Variants in KCNH7 observed in about 807,000 individuals in gnomAD.
KCNH7 encodes the protein voltage-gated inwardly rectifying potassium channel KCNH7.
Under a neutral mutation model 120.8 loss-of-function variants are expected in KCNH7, and 49 were observed. That is an observed-to-expected ratio of 0.41 (90% CI 0.32 to 0.51). The LOEUF (loss-of-function observed/expected upper bound fraction) is 0.51, where lower values mean the gene tolerates loss of function less well. Among genes scored for constraint, KCNH7 ranks in the 20% least tolerant of loss-of-function variants. KCNH7 has a pLI of 0.38. For missense variants in KCNH7, 1,097 were observed against 1,446.6 expected (o/e 0.76, Z 3.92); for synonymous variants, 547 against 516.1 (o/e 1.06, Z -0.81).
intron 2 of KCNH7, among the ~76,000 whole-genome samples, chr2:162,835,739 A>C (rs1479628481): frequency 6.6e-6 from 1 of 152,030 alleles, no homozygotes; most frequent in Non-Finnish European, 1.5e-5. Context: ...TTGTGTATTT[A>C]AGGCATGCCT....
At chr2:162,468,512 C>CTTTTTTT (rs1166606647) in intron 6 of KCNH7, among the ~76,000 whole-genome samples, 1 of 78,918 alleles carries the variant, frequency 1.3e-5, no homozygotes, top group Non-Finnish European at 2.3e-5. Flanking sequence ...TATTCTTTTC[C>CTTTTTTT]TTTTTTTTTT....
intron 9 of KCNH7, among the ~76,000 whole-genome samples, chr2:162,401,698 C>T (rs1017922560): frequency 6.6e-6 from 1 of 151,804 alleles, no homozygotes; most frequent in Admixed American, 6.6e-5. Flanking sequence ...CAATAGGATA[C>T]CTGAAGCATA....
At chr2:162,682,494 A>G (rs1574260589) in intron 2 of KCNH7, among the ~76,000 whole-genome samples, 1 of 151,748 alleles carries the variant, frequency 6.6e-6, no homozygotes, top group Middle Eastern at 3.4e-3. Flanking sequence ...ATCTAACACA[A>G]CAAAGTCATA....
chr2:162,442,412 G>C lies in KCNH7; in HGVS notation c.1554+3606C>G, dbSNP rs1054239201. 8.6e-5 allele frequency among the ~76,000 whole-genome samples: 13 copies of C among 152,026 alleles called. 1 individual carries two copies. Among genetic ancestry groups the C allele is most frequent in the African/African-American group, 2.7e-4 (11 of 41,396 alleles). On this transcript the variant is annotated intron_variant, in intron 7 of 15. Coordinates refer to ENST00000332142, the MANE Select transcript of KCNH7 (RefSeq NM_033272.4). ...CCTGTTACATAGATTACATAATATA[G>C]ATACAAAGTTGATTTTTTTTCTAGG... is the stretch of plus-strand genomic sequence containing the variant.
intron 2 of KCNH7, among the ~76,000 whole-genome samples, chr2:162,580,977 A>C: frequency 6.6e-6 from 1 of 152,086 alleles, no homozygotes; most frequent in Non-Finnish European, 1.5e-5. Flanking sequence ...AAAATATATT[A>C]GCTGCACACA....
At chr2:162,491,464 C>T (rs1690305626) in intron 6 of KCNH7, among the ~76,000 whole-genome samples, 2 of 152,150 alleles carry the variant, frequency 1.3e-5, no homozygotes, top group South Asian at 4.1e-4. Flanking sequence ...CACAGCTTTA[C>T]CTTAGCATGA....
In KCNH7 at chr2:162,838,593, C is replaced by A; in HGVS notation, c.-75G>T. The A allele has an allele frequency of 8.4e-7, 1 of 1,188,690 alleles. No homozygotes were observed. The highest frequency in any genetic ancestry group is 1.2e-6 in the Non-Finnish European group (1 of 839,254). 73.6% of individuals were successfully genotyped at this position (1,188,690 alleles called of 1,614,324 possible). The stretch of plus-strand genomic sequence containing the variant: ...CCGGGATCTCTCCTCGGCTAGAGCC[C>A]AGGCCAGCGCGCGAGCCGCTCTTTG... On this transcript the variant is annotated 5_prime_UTR_variant, in exon 1 of 16. Coordinates refer to ENST00000332142, the MANE Select transcript of KCNH7 (RefSeq NM_033272.4).
At chr2:162,594,991 A>G (rs1282129847) in intron 2 of KCNH7, among the ~76,000 whole-genome samples, 1 of 152,094 alleles carries the variant, frequency 6.6e-6, no homozygotes, top group Non-Finnish European at 1.5e-5. Flanking sequence ...GGTTGAACAT[A>G]TGTAAATCAA....
intron 6 of KCNH7, among the ~76,000 whole-genome samples, chr2:162,469,688 C>CCCCTCT (rs989720587): frequency 3.3e-5 from 5 of 151,732 alleles, no homozygotes; most frequent in Non-Finnish European, 5.9e-5. Context: ...CCTCCCCCTC[C>CCCCTCT]CCCTCTCCCT....
chr2:162,811,419 G>C (rs1684729292), intron 2 of KCNH7, among the ~76,000 whole-genome samples: 1 of 152,012 alleles, frequency 6.6e-6, no homozygotes, highest in Admixed American at 6.6e-5. Flanking sequence ...TTTGCCAAAG[G>C]TTTCCATGAG....
At chr2:162,613,667 G>A (rs1683046036) in intron 2 of KCNH7, among the ~76,000 whole-genome samples, 1 of 151,336 alleles carries the variant, frequency 6.6e-6, no homozygotes, top group Non-Finnish European at 1.5e-5. Context: ...AGGTATTGGG[G>A]CAAAACAAAC....
intron 12 of KCNH7, among the ~76,000 whole-genome samples, chr2:162,391,680 G>T (rs1686749558): frequency 6.6e-6 from 1 of 151,978 alleles, no homozygotes; most frequent in African/African-American, 2.4e-5. Context: ...ATTGCTCTCA[G>T]GGCCTTATCA....
intron 2 of KCNH7, among the ~76,000 whole-genome samples, chr2:162,683,739 A>G (rs1327077808): frequency 1.3e-5 from 2 of 152,030 alleles, no homozygotes; most frequent in Non-Finnish European, 2.9e-5. Context: ...ATTCCACAAT[A>G]CAATCAATAT....
rs1686046016 is a variant in KCNH7 at position 162,373,578 on chromosome 2, A to G, written c.3216T>C (p.Ser1072=). The change falls in exon 15 of 16, where the codon AGT becomes AGC. Residue 1072 remains serine (S), a synonymous_variant. Transcript: ENST00000332142. Reference sequence around the variant, plus strand: ...GATATTCTGATCCTGCTGTTACCATACTGTAGGCTGGGGGGACCACAGTGG... The same window carrying G: ...GATATTCTGATCCTGCTGTTACCATGCTGTAGGCTGGGGGGACCACAGTGG... ...KQTTVVPPAY[S]MVTAGSEYQR... The G allele has an allele frequency of 2.5e-6, 4 of 1,590,520 alleles. No individual in the cohort carries two copies. The highest frequency in any genetic ancestry group is 3.4e-6 in the Non-Finnish European group (4 of 1,168,220).
intron 2 of KCNH7, among the ~76,000 whole-genome samples, chr2:162,722,472 T>C (rs931440827): frequency 2.6e-5 from 4 of 152,084 alleles, no homozygotes; most frequent in African/African-American, 2.4e-5. Flanking sequence ...AATCCACTAA[T>C]AGCCTTATGA....
chr2:162,798,227 C>A (rs562813483), intron 2 of KCNH7, among the ~76,000 whole-genome samples: 6 of 152,058 alleles, frequency 3.9e-5, no homozygotes, highest in African/African-American at 1.4e-4. Flanking sequence ...TTTAAGAAAA[C>A]GAAAGTAGTT....
At chr2:162,687,049 G>A (rs1685917589) in intron 2 of KCNH7, among the ~76,000 whole-genome samples, 1 of 152,070 alleles carries the variant, frequency 6.6e-6, no homozygotes, top group Non-Finnish European at 1.5e-5. Context: ...ACACCAAAAA[G>A]CGAGTGTCCC....
intron 2 of KCNH7, among the ~76,000 whole-genome samples, chr2:162,786,699 A>C (rs761584808): frequency 6.6e-6 from 1 of 152,226 alleles, no homozygotes; most frequent in Non-Finnish European, 1.5e-5. Context: ...TTTACTGAAC[A>C]TGACCTATGT....
chr2:162,493,274 G>T (rs1384230324), intron 6 of KCNH7, among the ~76,000 whole-genome samples: 1 of 152,056 alleles, frequency 6.6e-6, no homozygotes, highest in Non-Finnish European at 1.5e-5. Flanking sequence ...AATCATATAT[G>T]TGTTAGATGT....
Sources: allele counts gnomAD v4.1 joint callset (sites outside exome capture counted in the v4.1 genomes callset), GRCh38; gene constraint gnomAD v4.1.1; transcripts MANE v1.5; gene names NCBI Gene and HGNC (gene_info 2026-07-23, HGNC 2026-07-21).